Variants in MGAT4A observed in about 807,000 individuals in gnomAD.
MGAT4A encodes the protein N-acetylglucosaminyltransferase IVa.
In MGAT4A, 33 loss-of-function variants were observed where a neutral mutation model predicts 74.1. The observed-to-expected ratio is 0.45, with a 90% CI of 0.34 to 0.60. MGAT4A has a LOEUF of 0.60. MGAT4A is among the 20% of genes least tolerant of loss of function. The pLI is 0.02. For synonymous variants in MGAT4A, 198 were observed against 210.4 expected, an observed-to-expected ratio of 0.94 and a Z score of 0.51; for missense variants, 479 against 628.3, an observed-to-expected ratio of 0.76 and a Z score of 2.54.
intron 14 of MGAT4A, among the ~76,000 whole-genome samples, chr2:98,634,051 C>G (rs1701282464): frequency 6.6e-6 from 1 of 152,172 alleles, no homozygotes; most frequent in African/African-American, 2.4e-5. Flanking sequence ...TATCAATTTA[C>G]CAATATTTGC....
chr2:98,729,179 AT>A (rs1316965564), intron 1 of MGAT4A, among the ~76,000 whole-genome samples: 3 of 151,224 alleles, frequency 2.0e-5, no homozygotes, highest in African/African-American at 7.3e-5. Context: ...AAAAAAAAAA[AT>A]ACTGGATCCA....
At chr2:98,717,658 T>C (rs1401689986) in intron 2 of MGAT4A, among the ~76,000 whole-genome samples, 1 of 152,246 alleles carries the variant, frequency 6.6e-6, no homozygotes, top group East Asian at 1.9e-4. Flanking sequence ...TGTACATTTA[T>C]TGTAACTCTA....
chr2:98,681,421 G>A (rs1702058170), intron 2 of MGAT4A, among the ~76,000 whole-genome samples: 2 of 152,108 alleles, frequency 1.3e-5, no homozygotes, highest in South Asian at 4.1e-4. Flanking sequence ...ATCAGAATAC[G>A]TTATATGGTT....
intron 3 of MGAT4A, 49 bp downstream of exon 3, chr2:98,678,250 ATATAT>A: frequency 3.6e-6 from 1 of 276,380 alleles, no homozygotes; most frequent in Non-Finnish European, 4.8e-6. Flanking sequence ...AAAAAAAAAA[ATATAT>A]ATATATATAT....
intron 8 of MGAT4A, among the ~76,000 whole-genome samples, chr2:98,653,481 A>G (rs1701612870): frequency 6.6e-6 from 1 of 152,032 alleles, no homozygotes; most frequent in South Asian, 2.1e-4. Flanking sequence ...AAAAGTAGAA[A>G]TGAAAGAGGG....
At chr2:98,700,915 T>C (rs1209980157) in intron 2 of MGAT4A, among the ~76,000 whole-genome samples, 3 of 151,666 alleles carry the variant, frequency 2.0e-5, no homozygotes, top group African/African-American at 4.8e-5. Flanking sequence ...AAACAATCTA[T>C]TACATGTTAG....
intron 8 of MGAT4A, among the ~76,000 whole-genome samples, chr2:98,646,562 C>G (rs1701488376): frequency 6.6e-6 from 1 of 151,996 alleles, no homozygotes; most frequent in South Asian, 2.1e-4. Flanking sequence ...AAAAAATTAG[C>G]CAGGCATGGG....
chr2:98,677,026 T>A (rs1277547275), intron 3 of MGAT4A, among the ~76,000 whole-genome samples: 1 of 152,234 alleles, frequency 6.6e-6, no homozygotes, highest in Non-Finnish European at 1.5e-5. Context: ...GGAATTCATG[T>A]GTTTTTAAAA....
intron 2 of MGAT4A, among the ~76,000 whole-genome samples, chr2:98,692,292 C>T (rs1398230933): frequency 6.6e-6 from 1 of 152,040 alleles, no homozygotes. Flanking sequence ...TTTGTAGAGA[C>T]AGGGTCTCAC....
chr2:98,705,666 G>A (rs185314482), intron 2 of MGAT4A, among the ~76,000 whole-genome samples: 200 of 152,246 alleles, frequency 1.3e-3, no homozygotes, highest in Non-Finnish European at 2.6e-3. Flanking sequence ...CTAACAGGCC[G>A]GGCGCGGTGG....
chr2:98,691,580 G>A (rs1177365879), intron 2 of MGAT4A, among the ~76,000 whole-genome samples: 1 of 152,218 alleles, frequency 6.6e-6, no homozygotes, highest in Non-Finnish European at 1.5e-5. Flanking sequence ...TGCCAGTCAT[G>A]TAACAGTCTA....
At chr2:98,685,486 A>G (rs1472793011) in intron 2 of MGAT4A, among the ~76,000 whole-genome samples, 1 of 152,204 alleles carries the variant, frequency 6.6e-6, no homozygotes, top group Non-Finnish European at 1.5e-5. Flanking sequence ...GATGGCCTAG[A>G]TGAAATTGCA....
intron 2 of MGAT4A, among the ~76,000 whole-genome samples, chr2:98,683,932 T>G (rs1702096276): frequency 1.3e-5 from 2 of 152,202 alleles, no homozygotes; most frequent in African/African-American, 4.8e-5. Context: ...CCCACAGCTA[T>G]GAAAAGGCTC....
chr2:98,652,167 T>C (rs961217405), intron 8 of MGAT4A, among the ~76,000 whole-genome samples: 2 of 151,944 alleles, frequency 1.3e-5, no homozygotes, highest in Non-Finnish European at 2.9e-5. Flanking sequence ...AGACAGAAGA[T>C]CAATAAGGAA....
intron 5 of MGAT4A, among the ~76,000 whole-genome samples, chr2:98,659,749 C>T (rs1336647591): frequency 6.6e-6 from 1 of 152,096 alleles, no homozygotes; most frequent in East Asian, 1.9e-4. Flanking sequence ...ATTGTGAGGC[C>T]TTTCCAGCCA....
At chr2:98,639,742 T>A (rs920295908) in intron 12 of MGAT4A, 66 bp downstream of exon 12, 3 of 1,426,780 alleles carry the variant, frequency 2.1e-6, no homozygotes, top group Non-Finnish European at 2.9e-6. Context: ...CAAAAATCTA[T>A]TATAAATCAC....
intron 2 of MGAT4A, among the ~76,000 whole-genome samples, chr2:98,718,795 G>A (rs1282242929): frequency 6.6e-6 from 1 of 152,214 alleles, no homozygotes; most frequent in African/African-American, 2.4e-5. Flanking sequence ...GCAGTGTGCT[G>A]AGAATATTAG....
chr2:98,621,230 G>C lies in MGAT4A; in HGVS notation c.*4336C>G, dbSNP rs1316178856. 1.4e-6 allele frequency: 1 copy of C among 691,568 alleles called. No homozygotes were observed. The highest frequency in any genetic ancestry group is 2.2e-6 in the Non-Finnish European group (1 of 454,486). The allele number at this position is 691,568 out of a possible 1,614,324, so 42.8% of individuals were successfully genotyped here. A position where few individuals can be genotyped will look rare whatever the true frequency, so the allele number is the denominator to read the frequency against. ...AGTTCTCGGCTTAGGGTCTCACAAGGCTGGATTCAAAGTGTTGGCCAGGCT... is the reference window on the plus strand; with the variant it reads ...AGTTCTCGGCTTAGGGTCTCACAAGCCTGGATTCAAAGTGTTGGCCAGGCT... On this transcript the variant is annotated 3_prime_UTR_variant, in exon 16 of 16. Coordinates refer to ENST00000393487, the MANE Select transcript of MGAT4A (RefSeq NM_012214.3).
intron 2 of MGAT4A, among the ~76,000 whole-genome samples, chr2:98,700,310 TAATA>T (rs894963926): frequency 5.5e-4 from 81 of 148,486 alleles, no homozygotes; most frequent in African/African-American, 1.8e-3. Flanking sequence ...ACTATATATA[TAATA>T]TATACTATAT....
Sources: gnomAD v4.1 joint callset for allele counts (sites outside exome capture counted in the v4.1 genomes callset) on GRCh38, gnomAD v4.1.1 for gene constraint, MANE v1.5 for transcripts, NCBI Gene and HGNC (gene_info 2026-07-23, HGNC 2026-07-21) for gene names.